The following NELL1 variants were observed in gnomAD, a reference collection of about 807,000 sequenced individuals.
NELL1 encodes the protein protein kinase C-binding protein NELL1.
Under a neutral mutation model 107.4 loss-of-function variants are expected in NELL1, and 76 were observed. The ratio of observed to expected loss-of-function variants is 0.71; its 90% CI spans 0.59 to 0.86. The LOEUF is 0.86. Ranked by LOEUF, NELL1 falls within the 40% of genes least tolerant of loss-of-function variation. NELL1 has a pLI of 0.00. For missense variants in NELL1, 1,024 were observed against 1,005.5 expected (o/e 1.02, Z -0.25); for synonymous variants, 353 against 341.2 (o/e 1.03, Z -0.38).
intron 13 of NELL1, among the ~76,000 whole-genome samples, chr11:21,220,807 G>T (rs564042104): frequency 1.3e-5 from 2 of 151,844 alleles, no homozygotes; most frequent in Non-Finnish European, 2.9e-5. Context: ...ATATTATATC[G>T]TCTGCAAAGA....
chr11:20,849,266 T>C (rs1435525497), intron 4 of NELL1, among the ~76,000 whole-genome samples: 1 of 152,246 alleles, frequency 6.6e-6, no homozygotes, highest in African/African-American at 2.4e-5. Context: ...CTGGAGATAC[T>C]GCTGTTTTCT....
At chr11:21,189,298 C>G (rs1857000420) in intron 13 of NELL1, among the ~76,000 whole-genome samples, 2 of 151,746 alleles carry the variant, frequency 1.3e-5, no homozygotes, top group South Asian at 4.1e-4. Context: ...CTTTAATTTG[C>G]CTTGATATTG....
At chr11:21,030,436 G>A (rs937294102) in intron 12 of NELL1, among the ~76,000 whole-genome samples, 2 of 152,142 alleles carry the variant, frequency 1.3e-5, no homozygotes, top group Non-Finnish European at 2.9e-5. Flanking sequence ...AGCTAATGCT[G>A]TTAAACCAGA....
At chr11:21,569,683 T>C (rs1307379187) in intron 17 of NELL1, among the ~76,000 whole-genome samples, 1 of 151,830 alleles carries the variant, frequency 6.6e-6, no homozygotes, top group Non-Finnish European at 1.5e-5. Context: ...TTACTGAAGG[T>C]ATGGATTCGG....
rs1369607672 is a variant in NELL1 at position 21,534,694 on chromosome 11, G to GAA, written c.1786+180_1786+181insAA. ...TAGGCCAGGGATCATGCAAAGTGGGGTGCTAGAATTTTTATATAGAAACTG... is the reference window on the plus strand; with the variant it reads ...TAGGCCAGGGATCATGCAAAGTGGGGAATGCTAGAATTTTTATATAGAAACTG... On this transcript the variant is annotated intron_variant, in intron 16 of 19. Transcript: ENST00000357134. Among the ~76,000 whole-genome samples, 3 of 152,202 alleles carry GAA rather than the reference G, an allele frequency of 2.0e-5. No homozygotes were observed. In the East Asian group the frequency reaches 5.8e-4, roughly 29 times the overall value.
At chr11:20,687,484 A>G (rs1349935466) in intron 2 of NELL1, among the ~76,000 whole-genome samples, 1 of 152,034 alleles carries the variant, frequency 6.6e-6, no homozygotes, top group Admixed American at 6.6e-5. Context: ...AAACATTTAC[A>G]ATTTTTGGGA....
chr11:21,087,856 C>T lies in NELL1; in HGVS notation c.1301-25733C>T, dbSNP rs544381634. Among the ~76,000 whole-genome samples the T allele has an allele frequency of 4.6e-5, 7 of 152,282 alleles. No individual in the cohort carries two copies. The South Asian group carries it at 1.5e-3, about 32-fold the overall frequency. On this transcript the variant is annotated intron_variant, in intron 12 of 19. Transcript: ENST00000357134. ...TTACTTGCTTATGCATTACCTATGG[C>T]TATTTTTATGCTACAGTGGCATAAT...
At chr11:21,567,881 A>T (rs1321618758) in intron 17 of NELL1, among the ~76,000 whole-genome samples, 1 of 151,854 alleles carries the variant, frequency 6.6e-6, no homozygotes, top group Non-Finnish European at 1.5e-5. Flanking sequence ...AGAGATAAAC[A>T]TCAAGTTGTA....
At chr11:21,388,772 TGG>T (rs1217373371) in intron 15 of NELL1, among the ~76,000 whole-genome samples, 1 of 151,844 alleles carries the variant, frequency 6.6e-6, no homozygotes, top group Non-Finnish European at 1.5e-5. Context: ...TGTTAAGGTA[TGG>T]TGTAATACAT....
At chr11:21,229,559 G>T (rs1857989160) in intron 14 of NELL1, 105 bp downstream of exon 14, 4 of 1,449,866 alleles carry the variant, frequency 2.8e-6, no homozygotes, top group Non-Finnish European at 3.8e-6. Context: ...ACACAGCCAG[G>T]GTTCCTGCTC....
rs188927603 is a variant in NELL1, at chr11:21,316,587, C to T, written c.1550-54266C>T. 7.9e-5 allele frequency among the ~76,000 whole-genome samples: 12 copies of T among 152,252 alleles called. No individual in the cohort carries two copies. The East Asian group carries it at 2.3e-3, about 29-fold the overall frequency. On this transcript the variant is annotated intron_variant, in intron 14 of 19. Transcript: ENST00000357134. ...TAGTCTCAACATGGTCAGGTGTCCC[C>T]ACCTCCAATCATACTTCTGTGGTGT...
intron 11 of NELL1, among the ~76,000 whole-genome samples, chr11:20,955,450 GA>G (rs1279713443): frequency 6.6e-6 from 1 of 152,222 alleles, no homozygotes; most frequent in East Asian, 1.9e-4. Context: ...GAGTTAGCCA[GA>G]CATTATTTAG....
chr11:20,871,828 G>C (rs1849204231), intron 4 of NELL1, among the ~76,000 whole-genome samples: 1 of 151,620 alleles, frequency 6.6e-6, no homozygotes. Context: ...AACCATCCTG[G>C]CTAACATGGT....
intron 16 of NELL1, among the ~76,000 whole-genome samples, chr11:21,556,462 G>C (rs537545834): frequency 6.6e-6 from 1 of 152,000 alleles, no homozygotes; most frequent in East Asian, 1.9e-4. Context: ...TAATACAGTG[G>C]TTATGCTATT....
At chr11:21,156,238 A>T (rs1434184007) in intron 13 of NELL1, among the ~76,000 whole-genome samples, 1 of 152,142 alleles carries the variant, frequency 6.6e-6, no homozygotes, top group Non-Finnish European at 1.5e-5. Context: ...TTTAAAGATT[A>T]ATTTGAAGTT....
chr11:21,021,012 A>AACACACACACACACACACACAC (rs56813080), intron 12 of NELL1, among the ~76,000 whole-genome samples: 15 of 140,306 alleles, frequency 1.1e-4, no homozygotes, highest in African/African-American at 3.8e-4. Flanking sequence ...AGAAACTTAG[A>AACACACACACACACACACACAC]ACACACACAC....
chr11:21,051,921 A>C (rs1445854235), intron 12 of NELL1, among the ~76,000 whole-genome samples: 1 of 152,160 alleles, frequency 6.6e-6, no homozygotes, highest in Admixed American at 6.6e-5. Context: ...AATAAACATA[A>C]TAGATAAGTA....
At chr11:21,096,312 T>C (rs949150673) in intron 12 of NELL1, among the ~76,000 whole-genome samples, 4 of 152,208 alleles carry the variant, frequency 2.6e-5, no homozygotes, top group African/African-American at 4.8e-5. Context: ...TACATCCTCA[T>C]TGAACTCTTC....
intron 4 of NELL1, among the ~76,000 whole-genome samples, chr11:20,877,704 A>G (rs1192491365): frequency 6.6e-6 from 1 of 152,086 alleles, no homozygotes; most frequent in African/African-American, 2.4e-5. Flanking sequence ...TGTGGCAGTT[A>G]CTCTTTGCCT....
Sources: gnomAD v4.1 joint callset for allele counts (sites outside exome capture counted in the v4.1 genomes callset) on GRCh38, gnomAD v4.1.1 for gene constraint, MANE v1.5 for transcripts, NCBI Gene and HGNC (gene_info 2026-07-23, HGNC 2026-07-21) for gene names.